The following VPS13B variants were observed in gnomAD, a reference collection of about 807,000 sequenced individuals.
VPS13B encodes the protein intermembrane lipid transfer protein VPS13B.
Under a neutral mutation model 426.4 loss-of-function variants are expected in VPS13B, and 285 were observed. The observed-to-expected ratio is 0.67, with a 90% confidence interval of 0.61 to 0.74. The LOEUF is 0.74. Ranked by LOEUF, VPS13B falls within the 30% of genes least tolerant of loss-of-function variation. The pLI is 0.00. For missense variants in VPS13B, 4,537 were observed against 4,782.6 expected, an observed-to-expected ratio of 0.95 and a Z score of 1.51; for synonymous variants, 1,676 against 1,676.4, an observed-to-expected ratio of 1.00 and a Z score of 0.01.
chr8:99,277,793 G>A (rs1818974328), intron 19 of VPS13B, among the ~76,000 whole-genome samples: 1 of 151,940 alleles, frequency 6.6e-6, no homozygotes, highest in South Asian at 2.1e-4. Flanking sequence ...GCTTCATTTG[G>A]GCAGGACGTT....
chr8:99,721,117 G>A, intron 39 of VPS13B, 70 bp downstream of exon 39: 2 of 1,498,074 alleles, frequency 1.3e-6, no homozygotes, highest in Non-Finnish European at 1.9e-6. Flanking sequence ...TAGGAAAAAT[G>A]TTTGGAACAT....
intron 19 of VPS13B, among the ~76,000 whole-genome samples, chr8:99,357,695 G>A (rs913743538): frequency 6.6e-6 from 1 of 152,118 alleles, no homozygotes; most frequent in Non-Finnish European, 1.5e-5. Flanking sequence ...CTTAATAGCT[G>A]TAGGGTCTTA....
chr8:99,259,231 C>T (rs1169332525), intron 17 of VPS13B, among the ~76,000 whole-genome samples: 1 of 151,958 alleles, frequency 6.6e-6, no homozygotes, highest in Non-Finnish European at 1.5e-5. Context: ...AGTATTTAAC[C>T]TCAGAAATTA....
intron 19 of VPS13B, among the ~76,000 whole-genome samples, chr8:99,360,188 T>C (rs370762754): frequency 6.8e-3 from 191 of 27,982 alleles, no homozygotes; most frequent in Middle Eastern, 0.032. Context: ...CTTTCTTTCT[T>C]TCTCTCTCTC....
intron 31 of VPS13B, among the ~76,000 whole-genome samples, chr8:99,570,765 T>G (rs991671301): frequency 2.6e-5 from 4 of 152,148 alleles, no homozygotes; most frequent in Non-Finnish European, 4.4e-5. Context: ...CAATGATCTT[T>G]TTCCCTTGAG....
intron 19 of VPS13B, among the ~76,000 whole-genome samples, chr8:99,334,176 TCCCA>T (rs974168823): frequency 6.6e-6 from 1 of 151,982 alleles, no homozygotes; most frequent in African/African-American, 2.4e-5. Context: ...ACTTAAACTC[TCCCA>T]CCAACAATGT....
chr8:99,019,847 T>C (rs1330548605), intron 2 of VPS13B, among the ~76,000 whole-genome samples: 1 of 152,254 alleles, frequency 6.6e-6, no homozygotes, highest in Non-Finnish European at 1.5e-5. Flanking sequence ...AAATAATCTA[T>C]TATATGTACA....
chr8:99,140,074 G>GT (rs1810319161), intron 12 of VPS13B, among the ~76,000 whole-genome samples: 1 of 152,010 alleles, frequency 6.6e-6, no homozygotes, highest in Admixed American at 6.6e-5. Context: ...TCTAATTAAT[G>GT]TAAGAAACTA....
intron 33 of VPS13B, among the ~76,000 whole-genome samples, chr8:99,605,584 C>G (rs1421444324): frequency 6.6e-6 from 1 of 152,124 alleles, no homozygotes; most frequent in East Asian, 1.9e-4. Flanking sequence ...TCCCATCATT[C>G]TAGTTTTTTC....
At chr8:99,874,898 A>ATGTT (rs1468612507) in intron 61 of VPS13B, 1 of 154,574 alleles carries the variant, frequency 6.5e-6, no homozygotes, top group Non-Finnish European at 1.4e-5. Flanking sequence ...AAAGCAGAAA[A>ATGTT]TGTTACAGTT....
intron 30 of VPS13B, among the ~76,000 whole-genome samples, chr8:99,551,609 A>G (rs776133500): frequency 1.4e-4 from 22 of 151,872 alleles, no homozygotes; most frequent in Admixed American, 5.9e-4. Context: ...CATATCTGTT[A>G]TTTTAGTGGC....
intron 21 of VPS13B, among the ~76,000 whole-genome samples, chr8:99,407,824 G>A (rs1815414461): frequency 6.6e-6 from 1 of 152,084 alleles, no homozygotes; most frequent in East Asian, 1.9e-4. Context: ...ATGTAAGAAT[G>A]CAATGTAATA....
intron 54 of VPS13B, among the ~76,000 whole-genome samples, chr8:99,837,845 G>A (rs1263860923): frequency 1.3e-5 from 2 of 152,158 alleles, no homozygotes; most frequent in Non-Finnish European, 2.9e-5. Flanking sequence ...TTGTCTTCCA[G>A]GAACCTTCCT....
At chr8:99,164,780 C>T (rs748350492) in intron 15 of VPS13B, among the ~76,000 whole-genome samples, 1 of 152,028 alleles carries the variant, frequency 6.6e-6, no homozygotes, top group African/African-American at 2.4e-5. Flanking sequence ...TTCTCTCTGA[C>T]TCCTTTTCTT....
chr8:99,735,862 C>T (rs1255978572), intron 39 of VPS13B, among the ~76,000 whole-genome samples: 1 of 152,084 alleles, frequency 6.6e-6, no homozygotes, highest in Admixed American at 6.5e-5. Flanking sequence ...GAAAACGCTG[C>T]GAATTTGACA....
At chr8:99,710,859 G>T (rs1832684084) in intron 36 of VPS13B, among the ~76,000 whole-genome samples, 1 of 142,470 alleles carries the variant, frequency 7.0e-6, no homozygotes, top group Non-Finnish European at 1.5e-5. Flanking sequence ...AAAAAAATCA[G>T]CTGGGCATGG....
At chr8:99,343,477 TA>T (rs1179489825) in intron 19 of VPS13B, among the ~76,000 whole-genome samples, 2 of 152,194 alleles carry the variant, frequency 1.3e-5, no homozygotes, top group African/African-American at 4.8e-5. Context: ...GCTATGCAAA[TA>T]TTTTTTTCCA....
intron 23 of VPS13B, among the ~76,000 whole-genome samples, chr8:99,456,392 C>T (rs1230333183): frequency 6.6e-6 from 1 of 152,116 alleles, no homozygotes; most frequent in Non-Finnish European, 1.5e-5. Flanking sequence ...TTGTTTTGAA[C>T]TCCTGACCTC....
At chr8:99,441,938 A>G (rs913537822) in intron 22 of VPS13B, among the ~76,000 whole-genome samples, 1 of 152,130 alleles carries the variant, frequency 6.6e-6, no homozygotes, top group Non-Finnish European at 1.5e-5. Flanking sequence ...AGTGTTATAA[A>G]TTGAATGTTT....
Sources: gnomAD v4.1 joint callset for allele counts (sites outside exome capture counted in the v4.1 genomes callset) on GRCh38, gnomAD v4.1.1 for gene constraint, MANE v1.5 for transcripts, NCBI Gene and HGNC (gene_info 2026-07-23, HGNC 2026-07-21) for gene names.